The following DACH2 variants were observed in gnomAD, a reference collection of about 807,000 sequenced individuals.
DACH2 encodes dachshund family transcription factor 2, also known as dachshund homolog 2.
DACH2 carries 17 observed loss-of-function variants against 35.8 expected under a neutral mutation model. That is an observed-to-expected ratio of 0.48 (90% CI 0.33 to 0.71). The LOEUF (loss-of-function observed/expected upper bound fraction) is 0.71. Ranked by LOEUF, DACH2 falls within the 30% of genes least tolerant of loss-of-function variation. The pLI is 0.02. For missense variants in DACH2, 469 were observed against 472.7 expected (o/e 0.99, Z 0.07); for synonymous variants, 195 against 177.3 (o/e 1.10, Z -0.79).
chrX:86,183,613 C>T (rs1272495328), intron 1 of DACH2, among the ~76,000 whole-genome samples: 1 of 111,653 alleles, frequency 9.0e-6, no homozygotes, highest in Admixed American at 9.5e-5. Context: ...TGGTGTTCAT[C>T]AGGGATATTG....
intron 4 of DACH2, among the ~76,000 whole-genome samples, chrX:86,660,584 A>G (rs2148414487): frequency 8.9e-6 from 1 of 111,989 alleles, no homozygotes; most frequent in African/African-American, 3.2e-5. Context: ...TCATAAACGG[A>G]GTTTACAATA....
At chrX:86,303,555 A>G (rs751143957) in intron 1 of DACH2, among the ~76,000 whole-genome samples, 3 of 110,724 alleles carry the variant, frequency 2.7e-5, no homozygotes, top group Non-Finnish European at 5.7e-5. Flanking sequence ...GGTACTGAAG[A>G]GAGGACTCAA....
At chrX:86,318,363 A>G (rs2034953083) in intron 1 of DACH2, among the ~76,000 whole-genome samples, 1 of 111,546 alleles carries the variant, frequency 9.0e-6, no homozygotes, top group Admixed American at 9.6e-5. Context: ...TGTTATCAGA[A>G]ACCTGCATTT....
chrX:86,457,276 A>T (rs767409735), intron 2 of DACH2, among the ~76,000 whole-genome samples: 2 of 111,897 alleles, frequency 1.8e-5, no homozygotes, highest in African/African-American at 6.5e-5. Context: ...TTCTCTAAGT[A>T]ACAGCTATTA....
chrX:86,632,434 C>G (rs1032110084), intron 3 of DACH2, among the ~76,000 whole-genome samples: 3 of 109,855 alleles, frequency 2.7e-5, no homozygotes, highest in African/African-American at 1.0e-4. Context: ...CTTCTCTCAA[C>G]ATTCTAAGCC....
chrX:86,647,758 G>A (rs2040432524), intron 3 of DACH2, among the ~76,000 whole-genome samples: 2 of 110,652 alleles, frequency 1.8e-5, no homozygotes, highest in South Asian at 7.5e-4. Context: ...TATAGACTAT[G>A]GTAATGGTCT....
chrX:86,426,535 AT>A (rs1407301499), intron 2 of DACH2, among the ~76,000 whole-genome samples: 1 of 111,708 alleles, frequency 9.0e-6, no homozygotes, highest in Non-Finnish European at 1.9e-5. Context: ...ACCCTAAACA[AT>A]TTTGCTAAAC....
chrX:86,330,840 C>A (rs113521652), intron 1 of DACH2, among the ~76,000 whole-genome samples: 2,565 of 111,260 alleles, frequency 0.023, 79 homozygotes, highest in African/African-American at 0.079. Flanking sequence ...AAAGTATTTT[C>A]CCATGAGGTG....
chrX:86,343,224 A>T (rs1470910092), intron 1 of DACH2, among the ~76,000 whole-genome samples: 1 of 111,736 alleles, frequency 8.9e-6, no homozygotes, highest in African/African-American at 3.3e-5. Context: ...AAAAGTATAT[A>T]TCAATCAAGG....
chrX:86,563,129 C>CT (rs57289162), intron 3 of DACH2, among the ~76,000 whole-genome samples: 25,750 of 103,743 alleles, frequency 0.25, 4,480 homozygotes, highest in African/African-American at 0.61. Context: ...GGGTAATTAT[C>CT]TTTTTTTTTT....
In DACH2 at chrX:86,422,006, A is replaced by G. The variant is rs373200537; in HGVS notation, c.527+45144A>G. On this transcript the variant is annotated intron_variant, in intron 2 of 11. Coordinates refer to ENST00000373125, the MANE Select transcript of DACH2 (RefSeq NM_053281.3). ...GAGTTGAGGCAATGGGCCAGAATACAGCTGAAAAATTTAAACTTATGCCAA... is the reference window on the plus strand; with the variant it reads ...GAGTTGAGGCAATGGGCCAGAATACGGCTGAAAAATTTAAACTTATGCCAA... Among the ~76,000 whole-genome samples, 11 of 111,477 alleles carry G rather than the reference A, an allele frequency of 9.9e-5. No individual in the cohort carries two copies. In the East Asian group the frequency reaches 3.1e-3, roughly 31 times the overall value.
At chrX:86,213,625 T>G (rs991582615) in intron 1 of DACH2, among the ~76,000 whole-genome samples, 2 of 111,118 alleles carry the variant, frequency 1.8e-5, no homozygotes, top group African/African-American at 6.5e-5. Context: ...TCTTCATTTG[T>G]TGGGCCCAAT....
At chrX:86,520,613 T>C (rs2038538631) in intron 3 of DACH2, among the ~76,000 whole-genome samples, 1 of 111,846 alleles carries the variant, frequency 8.9e-6, no homozygotes, top group East Asian at 2.8e-4. Context: ...ATATTTAGGA[T>C]AGTCAGGTCT....
chrX:86,423,756 T>C (rs2036845397), intron 2 of DACH2, among the ~76,000 whole-genome samples: 1 of 110,917 alleles, frequency 9.0e-6, no homozygotes, highest in African/African-American at 3.3e-5. Flanking sequence ...CTGGAGACTT[T>C]TCCCAATGTT....
chrX:86,832,060 C>A, intron 11 of DACH2, 46 bp from the exon 12 acceptor site: 1 of 930,703 alleles, frequency 1.1e-6, no homozygotes, highest in Non-Finnish European at 1.5e-6. Flanking sequence ...AAGCACGTAT[C>A]AGAATGACTC....
At chrX:86,289,530 C>T (rs1282210046) in intron 1 of DACH2, among the ~76,000 whole-genome samples, 1 of 106,162 alleles carries the variant, frequency 9.4e-6, no homozygotes, top group Non-Finnish European at 1.9e-5. Context: ...ACTAACTCAT[C>T]ATCTAGCATT....
intron 3 of DACH2, among the ~76,000 whole-genome samples, chrX:86,551,924 A>G (rs923583130): frequency 3.6e-5 from 4 of 111,393 alleles, no homozygotes; most frequent in Non-Finnish European, 5.7e-5. Context: ...TTTTAGGAGA[A>G]TCTCATGTTT....
intron 7 of DACH2, among the ~76,000 whole-genome samples, chrX:86,767,065 C>T (rs1443202278): frequency 8.9e-5 from 10 of 112,017 alleles, no homozygotes; most frequent in African/African-American, 3.2e-4. Flanking sequence ...CCTAAATAAT[C>T]AGTTGTCTAA....
At chrX:86,733,468 A>C (rs774696514) in intron 6 of DACH2, among the ~76,000 whole-genome samples, 1 of 111,933 alleles carries the variant, frequency 8.9e-6, no homozygotes, top group African/African-American at 3.2e-5. Flanking sequence ...CTATAACATG[A>C]ATTGGAAATT....
Sources: allele counts gnomAD v4.1 joint callset (sites outside exome capture counted in the v4.1 genomes callset), GRCh38; gene constraint gnomAD v4.1.1; transcripts MANE v1.5; gene names NCBI Gene and HGNC (gene_info 2026-07-23, HGNC 2026-07-21).